Variants in ANLN observed in about 807,000 individuals in gnomAD.
ANLN encodes the protein anillin, actin binding protein.
A neutral mutation model predicts 135.1 loss-of-function variants in ANLN; 59 were observed. That is an observed-to-expected ratio of 0.44 (90% CI 0.35 to 0.54). The LOEUF is 0.54. ANLN is among the 20% of genes least tolerant of loss of function. The pLI, the probability that ANLN is intolerant of heterozygous loss-of-function variation, is 0.00. For synonymous variants in ANLN, 406 were observed against 456.4 expected (o/e 0.89, Z 1.41); for missense variants, 1,182 against 1,340.0 (o/e 0.88, Z 1.84).
At chr7:36,399,921 A>C (rs1312061746) in intron 3 of ANLN, among the ~76,000 whole-genome samples, 1 of 152,158 alleles carries the variant, frequency 6.6e-6, no homozygotes, top group African/African-American at 2.4e-5. Context: ...CTGAGAAGTA[A>C]AGCAACAGTT....
At chr7:36,399,008 G>T in intron 2 of ANLN, 71 bp from the exon 3 acceptor site, 1 of 1,248,076 alleles carries the variant, frequency 8.0e-7, no homozygotes, top group Non-Finnish European at 1.1e-6. Context: ...AATTTGTTGA[G>T]TATCTACCCT....
intron 12 of ANLN, 23 bp downstream of exon 12, chr7:36,420,767 G>T: frequency 6.2e-7 from 1 of 1,612,394 alleles, no homozygotes; most frequent in Non-Finnish European, 8.5e-7. Context: ...GTGGAAAGGG[G>T]CTTTGGAATG....
intron 22 of ANLN, among the ~76,000 whole-genome samples, chr7:36,446,621 C>T (rs1789011563): frequency 6.6e-6 from 1 of 152,178 alleles, no homozygotes; most frequent in South Asian, 2.1e-4. Context: ...ACAATCAGTT[C>T]ATGCGAGAAC....
chr7:36,429,838 A>G (rs558530286), intron 20 of ANLN, among the ~76,000 whole-genome samples: 2 of 152,300 alleles, frequency 1.3e-5, no homozygotes, highest in East Asian at 3.9e-4. Flanking sequence ...TGTCACATTT[A>G]CAAATTAAAA....
At chr7:36,431,928 C>T (rs1788348632) in intron 20 of ANLN, among the ~76,000 whole-genome samples, 2 of 152,092 alleles carry the variant, frequency 1.3e-5, no homozygotes, top group East Asian at 1.9e-4. Flanking sequence ...AAAATTTGTT[C>T]AGGTTGGGCA....
At chr7:36,427,069 T>A (rs947777747) in intron 20 of ANLN, 41 bp downstream of exon 20, 4 of 1,352,018 alleles carry the variant, frequency 3.0e-6, no homozygotes, top group African/African-American at 3.0e-5. Context: ...GTTTTTTTTT[T>A]AATCTTAGAA....
At chr7:36,442,356 G>A (rs372091032) in intron 21 of ANLN, among the ~76,000 whole-genome samples, 13 of 152,242 alleles carry the variant, frequency 8.5e-5, no homozygotes, top group African/African-American at 3.1e-4. Context: ...TGTATCAGAG[G>A]GCAGCACAGC....
chr7:36,434,531 G>T (rs1275147642), intron 20 of ANLN, among the ~76,000 whole-genome samples: 3 of 152,174 alleles, frequency 2.0e-5, no homozygotes, highest in African/African-American at 4.8e-5. Context: ...AAGTTGCTAA[G>T]AATATTTTCT....
At chr7:36,410,742 T>C (rs1279482170) in intron 6 of ANLN, 38 bp downstream of exon 6, 1 of 1,578,330 alleles carries the variant, frequency 6.3e-7, no homozygotes, top group South Asian at 1.2e-5. Context: ...CATCACATGG[T>C]CTCTGCATAG....
intron 7 of ANLN, among the ~76,000 whole-genome samples, chr7:36,413,279 C>T (rs1243051374): frequency 6.6e-6 from 1 of 152,166 alleles, no homozygotes; most frequent in African/African-American, 2.4e-5. Flanking sequence ...TTGCTGCTTT[C>T]AGGTTTCCCC....
chr7:36,450,869 CA>C (rs1202839344), intron 23 of ANLN, among the ~76,000 whole-genome samples: 4 of 152,192 alleles, frequency 2.6e-5, no homozygotes, highest in South Asian at 4.1e-4. Flanking sequence ...ATATCACTTA[CA>C]TTTTTTTGTA....
At chr7:36,427,646 G>A (rs1788142530) in intron 20 of ANLN, among the ~76,000 whole-genome samples, 1 of 152,108 alleles carries the variant, frequency 6.6e-6, no homozygotes, top group Admixed American at 6.5e-5. Flanking sequence ...GAGCCACCTT[G>A]CCCGGCCAGC....
Position 36,422,665 on chromosome 7 carries a change from A to G in ANLN, c.2332A>G (p.Asn778Asp). The change falls in exon 14 of 24, where the codon AAT (asparagine) becomes GAT (aspartate). Residue 778 changes from asparagine (N) to aspartate (D), a missense_variant. Around this residue, in one of 3 missense-constraint regions of ANLN, gnomAD observed 1,022 missense variants for 1,134.0 expected, o/e 0.90. Coordinates refer to ENST00000265748, the MANE Select transcript of ANLN (RefSeq NM_018685.5). ...GAGAACACTTTTGATTGATGAATTG[A>G]ATAAATTGAAGAACGAAGGACCTCA... ...GKRTLLIDEL[N>D]KLKNEGPQRK... The G allele has an allele frequency of 6.2e-7, 1 of 1,610,188 alleles. No individual in the cohort carries two copies. Among genetic ancestry groups the G allele is most frequent in the East Asian group, 2.2e-5 (1 of 44,830 alleles).
chr7:36,443,676 T>G, intron 21 of ANLN, 79 bp from the exon 22 acceptor site: 1 of 828,466 alleles, frequency 1.2e-6, no homozygotes, highest in South Asian at 1.6e-5. Context: ...ATACTACAGT[T>G]AGTGTACAGA....
intron 22 of ANLN, among the ~76,000 whole-genome samples, chr7:36,448,138 C>G (rs1196318033): frequency 6.6e-6 from 1 of 152,120 alleles, no homozygotes; most frequent in South Asian, 2.1e-4. Flanking sequence ...CTCAGCCTCC[C>G]GAGTAGCTGG....
At chr7:36,426,063 C>A in intron 19 of ANLN, 27 bp downstream of exon 19, 2 of 1,429,750 alleles carry the variant, frequency 1.4e-6, no homozygotes, top group Non-Finnish European at 1.9e-6. Context: ...CTATTTGAAA[C>A]TTTAGAATAA....
In ANLN at chr7:36,449,830, G is replaced by A; in HGVS notation, c.3244G>A (p.Val1082Ile). 1.2e-6 allele frequency: 2 copies of A among 1,613,384 alleles called. No individual in the cohort carries two copies. The highest frequency in any genetic ancestry group is 1.7e-6 in the Non-Finnish European group (2 of 1,179,634). ...LVSQCRDTLCVTKNWLSADTK... is the reference protein window; with the variant it reads ...LVSQCRDTLCITKNWLSADTK... ...CAGCCAATGCAGGGACACACTCTGT[G>A]TTACCAAGTATGTATTGGCCTATAA... The change falls in exon 23 of 24, where the codon GTT becomes ATT. Residue 1082 changes from valine to isoleucine, a missense_variant. Val to Ile is a conservative substitution (Grantham distance 29). This residue lies in a region of ANLN where 78 missense variants were observed against 72.7 expected (regional missense o/e 1.07). Transcript: ENST00000265748.
chr7:36,451,793 G>T (rs1356706904), intron 23 of ANLN, among the ~76,000 whole-genome samples: 1 of 152,220 alleles, frequency 6.6e-6, no homozygotes, highest in African/African-American at 2.4e-5. Flanking sequence ...TTCTCTGGAA[G>T]CATGTTCTGG....
chr7:36,449,153 C>T (rs1789136857), intron 22 of ANLN: 2 of 152,390 alleles, frequency 1.3e-5, no homozygotes, highest in South Asian at 4.1e-4. Context: ...ACCATTTGGT[C>T]TCGTGAATGT....
Sources: allele counts gnomAD v4.1 joint callset (sites outside exome capture counted in the v4.1 genomes callset), GRCh38; gene constraint gnomAD v4.1.1; regional missense constraint gnomAD v4.1.1; transcripts MANE v1.5; gene names NCBI Gene and HGNC (gene_info 2026-07-23, HGNC 2026-07-21).